SPPL3: variants seen among roughly 807,000 people sequenced by gnomAD.
SPPL3 encodes signal peptide peptidase-like 3.
Under a neutral mutation model 42.4 loss-of-function variants are expected in SPPL3, and 5 were observed. The ratio of observed to expected loss-of-function variants is 0.12; its 90% CI spans 0.06 to 0.25. The LOEUF is 0.25. SPPL3 is among the 10% of genes least tolerant of loss of function. The pLI, the probability that SPPL3 is intolerant of heterozygous loss-of-function variation, is 1.00. For missense variants in SPPL3, 235 were observed against 489.0 expected, an observed-to-expected ratio of 0.48 and a Z score of 4.90; for synonymous variants, 195 against 181.8, an observed-to-expected ratio of 1.07 and a Z score of -0.58.
chr12:120,897,192 CTTT>C, intron 1 of SPPL3, among the ~76,000 whole-genome samples: 1 of 152,232 alleles, frequency 6.6e-6, no homozygotes, highest in Non-Finnish European at 1.5e-5. Flanking sequence ...ACGTAGAAAT[CTTT>C]TTGAGAAATG....
intron 6 of SPPL3, among the ~76,000 whole-genome samples, chr12:120,771,559 T>TC (rs58306542): frequency 3.4e-5 from 5 of 145,176 alleles, no homozygotes; most frequent in African/African-American, 7.7e-5. Flanking sequence ...AATTTCTTCT[T>TC]TTTTTTAAAC....
At chr12:120,816,188 T>C (rs192997785) in intron 1 of SPPL3, among the ~76,000 whole-genome samples, 15 of 152,284 alleles carry the variant, frequency 9.9e-5, no homozygotes, top group African/African-American at 3.6e-4. Context: ...GGTTGCCAGA[T>C]CTCACCTCCA....
At chr12:120,872,294 C>T (rs142340200) in intron 1 of SPPL3, among the ~76,000 whole-genome samples, 9 of 152,278 alleles carry the variant, frequency 5.9e-5, no homozygotes, top group African/African-American at 2.2e-4. Context: ...AGTAACTGTC[C>T]TCCCACTATA....
Position 120,764,697 on chromosome 12 carries a change from T to A in SPPL3, c.*302A>T, listed in dbSNP as rs1349939215. Reference sequence around the variant, plus strand: ...GTTTTTAAACAGTCAAATCTCCATCTCCCCCAGAAGGTAACAGTCTGGTGC... The same window carrying A: ...GTTTTTAAACAGTCAAATCTCCATCACCCCCAGAAGGTAACAGTCTGGTGC... On this transcript the variant is annotated 3_prime_UTR_variant, in exon 11 of 11. Transcript: ENST00000353487. The A allele has an allele frequency of 2.5e-6, 1 of 398,494 alleles. No individual in the cohort carries two copies. Among genetic ancestry groups the A allele is most frequent in the Admixed American group, 4.4e-5 (1 of 22,696 alleles). The allele number at this position is 398,494 out of a possible 1,614,324, so 24.7% of individuals were successfully genotyped here.
rs1466341324 is a variant in SPPL3 at position 120,890,568 on chromosome 12, G to A, written c.23+13277C>T. Among the ~76,000 whole-genome samples, 7 of 136,126 alleles carry A rather than the reference G, an allele frequency of 5.1e-5. No individual in the cohort carries two copies. In the South Asian group the frequency reaches 1.2e-3, roughly 23 times the overall value. 89.3% of individuals were successfully genotyped at this position (136,126 alleles called of 152,430 possible). A position where few individuals can be genotyped will look rare whatever the true frequency, so the allele number is the denominator to read the frequency against. ...CGCGCCATTGTACTCCAGCCTGGGC[G>A]ACAGAGCCAGACTCCGTCTCAAAAA... is the stretch of plus-strand genomic sequence containing the variant. On this transcript the variant is annotated intron_variant, in intron 1 of 10. Coordinates refer to ENST00000353487, the MANE Select transcript of SPPL3 (RefSeq NM_139015.5).
chr12:120,825,701 C>G (rs1394309089), intron 1 of SPPL3, among the ~76,000 whole-genome samples: 1 of 152,164 alleles, frequency 6.6e-6, no homozygotes, highest in Non-Finnish European at 1.5e-5. Flanking sequence ...CACCTGAAAA[C>G]ATTGCTTTTA....
At chr12:120,797,167 A>AAAAC (rs772268348) in intron 2 of SPPL3, among the ~76,000 whole-genome samples, 6 of 152,182 alleles carry the variant, frequency 3.9e-5, no homozygotes, top group African/African-American at 1.2e-4. Flanking sequence ...ACTCCAACTC[A>AAAAC]AAACAAACAA....
Position 120,762,551 on chromosome 12 carries a change from AAGAC to A in SPPL3, c.*2444_*2447del, listed in dbSNP as rs1344616071. 1.3e-5 allele frequency: 2 copies of A among 152,202 alleles called. No individual in the cohort carries two copies. Among genetic ancestry groups the A allele is most frequent in the East Asian group, 3.9e-4 (2 of 5,176 alleles). 9.4% of individuals were successfully genotyped at this position (152,202 alleles called of 1,614,324 possible). A position where few individuals can be genotyped will look rare whatever the true frequency, so the allele number is the denominator to read the frequency against. ...GGAATTTAATTTTCTTATGAAAACA[AAGAC>A]AGAAAAATTAAAATGACCCACTGCC... On this transcript the variant is annotated 3_prime_UTR_variant, in exon 11 of 11. Transcript: ENST00000353487.
chr12:120,831,222 A>G (rs1173533695), intron 1 of SPPL3, among the ~76,000 whole-genome samples: 1 of 152,086 alleles, frequency 6.6e-6, no homozygotes, highest in African/African-American at 2.4e-5. Context: ...CAGTTTCACC[A>G]CTGGCTTTCC....
chr12:120,869,899 C>T (rs374288355), intron 1 of SPPL3, among the ~76,000 whole-genome samples: 18 of 152,208 alleles, frequency 1.2e-4, no homozygotes, highest in East Asian at 7.7e-4. Context: ...AGCTGAGAAT[C>T]CAAAAATAGG....
intron 6 of SPPL3, among the ~76,000 whole-genome samples, chr12:120,781,637 G>A (rs548183584): frequency 7.4e-5 from 9 of 121,620 alleles, no homozygotes; most frequent in Admixed American, 2.4e-4. Flanking sequence ...GCAGTGGCTC[G>A]ATCTTGGCTC....
At chr12:120,826,585 G>A (rs1871237815) in intron 1 of SPPL3, among the ~76,000 whole-genome samples, 1 of 152,132 alleles carries the variant, frequency 6.6e-6, no homozygotes. Context: ...ACACAGCCTA[G>A]TAAGTGATAA....
At chr12:120,790,277 C>T (rs537295043) in intron 3 of SPPL3, among the ~76,000 whole-genome samples, 1 of 152,314 alleles carries the variant, frequency 6.6e-6, no homozygotes, top group South Asian at 2.1e-4. Flanking sequence ...TTATCATGCC[C>T]ACTTTGGCAC....
chr12:120,812,652 C>T (rs1346386125), intron 1 of SPPL3, among the ~76,000 whole-genome samples: 1 of 152,018 alleles, frequency 6.6e-6, no homozygotes, highest in Admixed American at 6.6e-5. Flanking sequence ...GAAGGAACTG[C>T]AAAGAAAACC....
intron 1 of SPPL3, among the ~76,000 whole-genome samples, chr12:120,850,294 T>C (rs1474029180): frequency 6.6e-6 from 1 of 152,154 alleles, no homozygotes; most frequent in Non-Finnish European, 1.5e-5. Flanking sequence ...CAAATCTAAA[T>C]ACTTCCTCAA....
chr12:120,782,722 C>T lies in SPPL3; in HGVS notation c.435G>A (p.Leu145=). The change falls in exon 6 of 11, where the codon CTG becomes CTA. Residue 145 remains leucine (L), a synonymous_variant. Transcript: ENST00000353487. ...CCGRFTAAEL[L]SFSLSVMLVL... is the part of the protein sequence containing the mutation. ...CGAGCATGACAGACAGAGAGAATGA[C>T]AGCAACTCAGCAGCAGTGAAACGTC... The T allele has an allele frequency of 1.2e-6, 2 of 1,610,302 alleles. No individual in the cohort carries two copies. The highest frequency in any genetic ancestry group is 1.3e-5 in the African/African-American group (1 of 74,974).
At chr12:120,864,427 T>C (rs1209682617) in intron 1 of SPPL3, among the ~76,000 whole-genome samples, 1 of 152,052 alleles carries the variant, frequency 6.6e-6, no homozygotes, top group Non-Finnish European at 1.5e-5. Flanking sequence ...CCCAGCTACT[T>C]GGGAGGCTGA....
intron 1 of SPPL3, among the ~76,000 whole-genome samples, chr12:120,822,217 G>A (rs982909420): frequency 2.0e-5 from 3 of 152,146 alleles, no homozygotes; most frequent in Non-Finnish European, 4.4e-5. Context: ...TAATGTTACT[G>A]AACTGTACAC....
intron 1 of SPPL3, among the ~76,000 whole-genome samples, chr12:120,853,214 C>T (rs868026410): frequency 9.9e-5 from 15 of 152,156 alleles, no homozygotes; most frequent in Middle Eastern, 3.4e-3. Context: ...ATATTCTTTA[C>T]CATCATCTTA....
Sources: allele counts gnomAD v4.1 joint callset (sites outside exome capture counted in the v4.1 genomes callset), GRCh38; gene constraint gnomAD v4.1.1; transcripts MANE v1.5; gene names NCBI Gene and HGNC (gene_info 2026-07-23, HGNC 2026-07-21).